Variants in CACNA1A observed in about 807,000 individuals in gnomAD.
CACNA1A encodes calcium voltage-gated channel subunit alpha1 A.
CACNA1A carries 57 observed loss-of-function variants against 262.4 expected under a neutral mutation model. That is an observed-to-expected ratio of 0.22 (90% CI 0.18 to 0.27). The LOEUF (loss-of-function observed/expected upper bound fraction) is 0.27. CACNA1A is among the 10% of genes least tolerant of loss of function. CACNA1A has a pLI of 1.00. For missense variants in CACNA1A, 2,526 were observed against 3,562.8 expected (o/e 0.71, Z 7.41); for synonymous variants, 1,431 against 1,419.3 (o/e 1.01, Z -0.18).
intron 1 of CACNA1A, among the ~76,000 whole-genome samples, chr19:13,468,077 T>A (rs1371893462): frequency 6.6e-6 from 1 of 151,908 alleles, no homozygotes; most frequent in African/African-American, 2.4e-5. Context: ...TTAACATGAC[T>A]CATGGAAAAC....
At position 13,224,748 on chromosome 19, in the gene CACNA1A, C is replaced by T. The variant is rs201836062; in HGVS notation, c.5650G>A (p.Val1884Ile). 196 of 1,609,356 alleles carry T rather than the reference C, an allele frequency of 1.2e-4. 1 individual carries two copies. The African/African-American group carries it at 1.8e-3, about 15-fold the overall frequency. ...AAGTGGACGGTGTTGTCATCTGCGACGGGCAGGTCCATCCGCAGAAGCCGC... is the reference window on the plus strand; with the variant it reads ...AAGTGGACGGTGTTGTCATCTGCGATGGGCAGGTCCATCCGCAGAAGCCGC... ...YKRLLRMDLP[V>I]ADDNTVHFNS... is the part of the protein sequence containing the mutation. Residue 1884 changes from valine (V) to isoleucine (I), a missense_variant, in exon 38 of 47, where the codon GTC becomes ATC. Physicochemically the swap from Val to Ile is conservative, Grantham distance 29. Around this residue, in one of 17 missense-constraint regions of CACNA1A, gnomAD observed 112 missense variants for 197.2 expected, o/e 0.57. Coordinates refer to ENST00000360228, the MANE Select transcript of CACNA1A (RefSeq NM_001127222.2).
chr19:13,297,526 T>G (rs1029015407), intron 19 of CACNA1A, among the ~76,000 whole-genome samples: 3 of 151,636 alleles, frequency 2.0e-5, no homozygotes, highest in Non-Finnish European at 4.4e-5. Context: ...GTAAAAAAAT[T>G]AGGCTGAGTG....
chr19:13,401,774 A>G (rs2059904058), intron 3 of CACNA1A, among the ~76,000 whole-genome samples: 1 of 152,156 alleles, frequency 6.6e-6, no homozygotes, highest in South Asian at 2.1e-4. Context: ...GAGTGACTGC[A>G]TGGAGTCGAG....
At chr19:13,345,927 G>T (rs1199577421) in intron 6 of CACNA1A, among the ~76,000 whole-genome samples, 2 of 128,690 alleles carry the variant, frequency 1.6e-5, no homozygotes, top group African/African-American at 3.1e-5. Flanking sequence ...TTGAGACAGA[G>T]TCTCGCTCTG....
intron 38 of CACNA1A, among the ~76,000 whole-genome samples, chr19:13,217,515 C>G (rs1196760544): frequency 6.6e-6 from 1 of 152,180 alleles, no homozygotes; most frequent in Non-Finnish European, 1.5e-5. Context: ...CCCTCTTGAC[C>G]TTCCGTAACC....
chr19:13,425,400 C>A (rs950264242), intron 3 of CACNA1A, among the ~76,000 whole-genome samples: 7 of 152,074 alleles, frequency 4.6e-5, no homozygotes, highest in Non-Finnish European at 7.4e-5. Flanking sequence ...GTCCAGGGTA[C>A]ACACGTGTTA....
chr19:13,292,335 T>C (rs2057559220), intron 19 of CACNA1A, among the ~76,000 whole-genome samples: 1 of 151,900 alleles, frequency 6.6e-6, no homozygotes, highest in Admixed American at 6.6e-5. Context: ...ATGATCGGCC[T>C]GGCAAGGTAG....
intron 1 of CACNA1A, among the ~76,000 whole-genome samples, chr19:13,461,201 A>T (rs1292210072): frequency 6.6e-6 from 1 of 152,116 alleles, no homozygotes; most frequent in Non-Finnish European, 1.5e-5. Flanking sequence ...TTAGCTGGGC[A>T]TAGTGGCAGA....
intron 15 of CACNA1A, among the ~76,000 whole-genome samples, chr19:13,304,659 C>CAAAAAA (rs34159456): frequency 4.8e-5 from 5 of 103,442 alleles, no homozygotes; most frequent in Non-Finnish European, 7.6e-5. Flanking sequence ...ATTTTTGTCT[C>CAAAAAA]AAAAAAAAAA....
chr19:13,407,757 A>G (rs2060037560), intron 3 of CACNA1A, among the ~76,000 whole-genome samples: 1 of 152,176 alleles, frequency 6.6e-6, no homozygotes, highest in Non-Finnish European at 1.5e-5. Context: ...TTGGGAGGCC[A>G]AGGCAGGCAG....
chr19:13,339,788 A>T (rs2058643807), intron 6 of CACNA1A, among the ~76,000 whole-genome samples: 1 of 151,492 alleles, frequency 6.6e-6, no homozygotes, highest in Non-Finnish European at 1.5e-5. Flanking sequence ...AAAAAAAAAA[A>T]GCACTGAAAA....
intron 1 of CACNA1A, among the ~76,000 whole-genome samples, chr19:13,465,275 C>T (rs1021293131): frequency 7.2e-5 from 11 of 152,090 alleles, no homozygotes; most frequent in South Asian, 4.2e-4. Flanking sequence ...CAATACCTAC[C>T]GTCATCATAG....
intron 36 of CACNA1A, 34 bp from the exon 37 acceptor site, chr19:13,227,561 AAAAC>A: frequency 7.9e-7 from 1 of 1,266,820 alleles, no homozygotes; most frequent in African/African-American, 1.5e-5. Context: ...AACAAAAACA[AAAAC>A]AAAAAAACAA....
intron 1 of CACNA1A, among the ~76,000 whole-genome samples, chr19:13,487,820 T>C (rs1980218298): frequency 6.6e-6 from 1 of 152,016 alleles, no homozygotes; most frequent in Admixed American, 6.6e-5. Flanking sequence ...TCTTTCTTTT[T>C]TAGAAATAGG....
At chr19:13,257,288 T>C (rs765562083) in intron 28 of CACNA1A, 62 bp downstream of exon 28, 14 of 1,370,210 alleles carry the variant, frequency 1.0e-5, no homozygotes, top group South Asian at 1.2e-5. Context: ...GGGTGTTGTG[T>C]GTGTTTTAAA....
chr19:13,424,891 G>A (rs2060375357), intron 3 of CACNA1A, among the ~76,000 whole-genome samples: 1 of 151,956 alleles, frequency 6.6e-6, no homozygotes, highest in Non-Finnish European at 1.5e-5. Context: ...TGCAACCTCT[G>A]CCTCCCGGGT....
intron 3 of CACNA1A, among the ~76,000 whole-genome samples, chr19:13,435,950 G>A (rs1452025217): frequency 1.3e-5 from 2 of 152,080 alleles, no homozygotes; most frequent in Admixed American, 6.6e-5. Context: ...TCAGCCTCCC[G>A]AGTAGCTGAG....
At chr19:13,397,621 C>T (rs550444291) in intron 3 of CACNA1A, among the ~76,000 whole-genome samples, 37 of 136,392 alleles carry the variant, frequency 2.7e-4, no homozygotes, top group African/African-American at 1.0e-3. Context: ...CTGGTGACAT[C>T]GATCAAAATG....
intron 3 of CACNA1A, among the ~76,000 whole-genome samples, chr19:13,395,801 C>T (rs1242158423): frequency 6.6e-6 from 1 of 151,722 alleles, no homozygotes; most frequent in Admixed American, 6.6e-5. Flanking sequence ...GGAATGCATG[C>T]TGAGAGAGAC....
Sources: allele counts gnomAD v4.1 joint callset (sites outside exome capture counted in the v4.1 genomes callset), GRCh38; gene constraint gnomAD v4.1.1; regional missense constraint gnomAD v4.1.1; transcripts MANE v1.5; gene names NCBI Gene and HGNC (gene_info 2026-07-23, HGNC 2026-07-21).